Variants in ARHGAP26 observed in about 807,000 individuals in gnomAD.
ARHGAP26 encodes Rho GTPase activating protein 26.
Under a neutral mutation model 104.8 loss-of-function variants are expected in ARHGAP26, and 38 were observed. The ratio of observed to expected loss-of-function variants is 0.36; its 90% confidence interval spans 0.28 to 0.48. The LOEUF is 0.48. Ranked by LOEUF, ARHGAP26 falls within the 20% of genes least tolerant of loss-of-function variation. ARHGAP26 has a pLI of 0.99. For missense variants in ARHGAP26, 704 were observed against 947.9 expected, an observed-to-expected ratio of 0.74 and a Z score of 3.38; for synonymous variants, 341 against 340.0, an observed-to-expected ratio of 1.00 and a Z score of -0.03.
intron 18 of ARHGAP26, among the ~76,000 whole-genome samples, chr5:143,126,373 T>C (rs1456541806): frequency 1.3e-5 from 2 of 152,200 alleles, no homozygotes; most frequent in Non-Finnish European, 2.9e-5. Context: ...CTGAAAACTA[T>C]AGGAAAAGGT....
chr5:143,215,469 G>A (rs2151409695), intron 22 of ARHGAP26, among the ~76,000 whole-genome samples: 1 of 152,218 alleles, frequency 6.6e-6, no homozygotes, highest in South Asian at 2.1e-4. Flanking sequence ...GGTTTATTAA[G>A]ATAGCCATAC....
intron 11 of ARHGAP26, among the ~76,000 whole-genome samples, chr5:142,963,091 G>A (rs1167226298): frequency 6.7e-6 from 1 of 150,094 alleles, no homozygotes; most frequent in African/African-American, 2.5e-5. Flanking sequence ...TAAGGATAAC[G>A]ACCTCCAGCT....
Position 143,222,617 on chromosome 5 carries a change from A to G in ARHGAP26, c.*171A>G, listed in dbSNP as rs1811347589. On this transcript the variant is annotated 3_prime_UTR_variant, in exon 23 of 23. Transcript: ENST00000645722. ...TCTGGTGTCACTCATCTCCATGATC[A>G]TCTCAGCCAACATGCATCAGTACTG... 4.2e-6 allele frequency: 2 copies of G among 473,718 alleles called. No individual in the cohort carries two copies. Among genetic ancestry groups the G allele is most frequent in the East Asian group, 6.2e-5 (2 of 32,272 alleles). 29.3% of individuals were successfully genotyped at this position (473,718 alleles called of 1,614,324 possible).
chr5:143,166,222 G>C (rs1801926592), intron 20 of ARHGAP26: 20 of 587,884 alleles, frequency 3.4e-5, no homozygotes, highest in South Asian at 1.1e-4. Context: ...AAAGCTCTCT[G>C]AGTAGCCGGA....
intron 11 of ARHGAP26, among the ~76,000 whole-genome samples, chr5:142,944,957 T>C (rs1266350520): frequency 1.3e-5 from 2 of 152,144 alleles, no homozygotes; most frequent in Non-Finnish European, 2.9e-5. Flanking sequence ...TGCTCAGATT[T>C]GGAGCAGTGA....
chr5:142,998,306 A>T (rs982296157), intron 11 of ARHGAP26, among the ~76,000 whole-genome samples: 7 of 152,142 alleles, frequency 4.6e-5, no homozygotes, highest in Non-Finnish European at 1.0e-4. Context: ...AGGGCCAAGG[A>T]GAGGTGGACA....
chr5:142,963,196 A>ATGTGTGTGTGTGTGTG (rs1381593823), intron 11 of ARHGAP26, among the ~76,000 whole-genome samples: 2 of 100,718 alleles, frequency 2.0e-5, no homozygotes, highest in African/African-American at 1.3e-4. Context: ...ATATATATAT[A>ATGTGTGTGTGTGTGTG]TATGTGTGTG....
intron 4 of ARHGAP26, among the ~76,000 whole-genome samples, chr5:142,882,578 G>C (rs1757156185): frequency 2.6e-5 from 4 of 152,166 alleles, no homozygotes; most frequent in Admixed American, 2.6e-4. Flanking sequence ...GTAGGTTCTT[G>C]GGACGGTTAC....
intron 21 of ARHGAP26, 166 bp downstream of exon 21, chr5:143,207,474 G>T: frequency 1.2e-6 from 2 of 1,613,668 alleles, no homozygotes; most frequent in Non-Finnish European, 1.7e-6. Flanking sequence ...AAGACTCCAG[G>T]TAAAATCTCG....
At chr5:142,842,897 C>T (rs2152204160) in intron 1 of ARHGAP26, among the ~76,000 whole-genome samples, 1 of 152,278 alleles carries the variant, frequency 6.6e-6, no homozygotes, top group East Asian at 1.9e-4. Flanking sequence ...ATGGTATATT[C>T]TTGTGGGACA....
intron 20 of ARHGAP26, among the ~76,000 whole-genome samples, chr5:143,206,144 T>C (rs2151343353): frequency 6.6e-6 from 1 of 152,350 alleles, no homozygotes; most frequent in South Asian, 2.1e-4. Flanking sequence ...TAAATTGCAG[T>C]ACGCTTAGAA....
chr5:142,925,873 C>T (rs984248416), intron 10 of ARHGAP26, among the ~76,000 whole-genome samples: 1 of 152,100 alleles, frequency 6.6e-6, no homozygotes, highest in Non-Finnish European at 1.5e-5. Context: ...TGAGTAAATT[C>T]TAGATCTTTG....
chr5:143,100,717 A>C (rs1413199243), intron 17 of ARHGAP26, among the ~76,000 whole-genome samples: 6 of 152,214 alleles, frequency 3.9e-5, no homozygotes, highest in Non-Finnish European at 8.8e-5. Flanking sequence ...TGTTTACCTT[A>C]GGCATGCACT....
chr5:143,166,874 A>G (rs187820039), intron 20 of ARHGAP26, among the ~76,000 whole-genome samples: 1 of 152,320 alleles, frequency 6.6e-6, no homozygotes, highest in Admixed American at 6.5e-5. Flanking sequence ...TCTGCCATCC[A>G]GTATTTTGGG....
At chr5:143,114,977 T>C (rs1599078482) in intron 17 of ARHGAP26, among the ~76,000 whole-genome samples, 1 of 152,086 alleles carries the variant, frequency 6.6e-6, no homozygotes, top group African/African-American at 2.4e-5. Flanking sequence ...GTGGCTTTGC[T>C]TTGGCTCCAT....
intron 11 of ARHGAP26, among the ~76,000 whole-genome samples, chr5:142,986,938 G>C (rs909683623): frequency 5.3e-5 from 8 of 152,182 alleles, no homozygotes; most frequent in Admixed American, 3.3e-4. Flanking sequence ...CAGGTAGTGT[G>C]ATGCCTCAAG....
At position 142,982,442 on chromosome 5, in the gene ARHGAP26, G is replaced by A. The variant is rs138182141; in HGVS notation, c.1108-31638G>A. On this transcript the variant is annotated intron_variant, in intron 11 of 22. Transcript: ENST00000645722. ...GCAGGACAGGGGGTGTCTTGTAGTG[G>A]GAGGGTGTCTTGTCCTACTGTTTGG... Among the ~76,000 whole-genome samples, 56 of 152,328 alleles carry A rather than the reference G, an allele frequency of 3.7e-4. 1 individual carries two copies. Among genetic ancestry groups the A allele is most frequent in the African/African-American group, 1.2e-3 (50 of 41,578 alleles).
intron 4 of ARHGAP26, among the ~76,000 whole-genome samples, chr5:142,884,269 CCCAGCTCTGT>C (rs1250604703): frequency 6.6e-6 from 1 of 152,200 alleles, no homozygotes; most frequent in African/African-American, 2.4e-5. Flanking sequence ...AGGCTCCAAT[CCCAGCTCTGT>C]CACTCTCCGT....
At chr5:143,025,165 C>A (rs1463543566) in intron 12 of ARHGAP26, among the ~76,000 whole-genome samples, 1 of 152,124 alleles carries the variant, frequency 6.6e-6, no homozygotes, top group Non-Finnish European at 1.5e-5. Flanking sequence ...CTTTAAAGTT[C>A]CTCCGGGCAT....
Sources: allele counts gnomAD v4.1 joint callset (sites outside exome capture counted in the v4.1 genomes callset), GRCh38; gene constraint gnomAD v4.1.1; transcripts MANE v1.5; gene names NCBI Gene and HGNC (gene_info 2026-07-23, HGNC 2026-07-21).